The following FAM227B variants were observed in gnomAD, a reference collection of about 807,000 sequenced individuals.
FAM227B encodes the protein protein FAM227B.
Under a neutral mutation model 73.8 loss-of-function variants are expected in FAM227B, and 88 were observed. That is an observed-to-expected ratio of 1.19 (90% CI 1.00 to 1.42). The LOEUF (loss-of-function observed/expected upper bound fraction) is 1.42. Among genes scored for constraint, FAM227B ranks in the 40% most tolerant of loss-of-function variants. The pLI, the probability that FAM227B is intolerant of heterozygous loss-of-function variation, is 0.00. For missense variants in FAM227B, 632 were observed against 590.9 expected (o/e 1.07, Z -0.72); for synonymous variants, 210 against 190.5 (o/e 1.10, Z -0.84).
At position 49,609,699 on chromosome 15, in the gene FAM227B, T is replaced by C. The variant is rs546181074; in HGVS notation, c.105+1516A>G. ...TTGTCTATTGGACAAAGACTTTGTATAGCAAACAAAAAATTAAGCATCTAG... is the reference window on the plus strand; with the variant it reads ...TTGTCTATTGGACAAAGACTTTGTACAGCAAACAAAAAATTAAGCATCTAG... On this transcript the variant is annotated intron_variant, in intron 3 of 15. Coordinates refer to ENST00000299338, the MANE Select transcript of FAM227B (RefSeq NM_152647.3). Among the ~76,000 whole-genome samples the C allele has an allele frequency of 7.2e-5, 11 of 152,080 alleles. No individual in the cohort carries two copies. The South Asian group carries it at 1.7e-3, about 23-fold the overall frequency.
intron 11 of FAM227B, chr15:49,424,698 GT>G: frequency 1.2e-6 from 1 of 814,146 alleles, no homozygotes; most frequent in Non-Finnish European, 1.9e-6. Context: ...TAAATAAAAT[GT>G]CACCTAATTT....
chr15:49,529,034 T>G (rs1597919560), intron 10 of FAM227B, among the ~76,000 whole-genome samples: 1 of 151,804 alleles, frequency 6.6e-6, no homozygotes, highest in Non-Finnish European at 1.5e-5. Context: ...CATATGTTTA[T>G]CACAACACTA....
Position 49,335,452 on chromosome 15 carries a change from CTT to C in FAM227B, c.1314_1315del (p.Arg439ThrfsTer10). On this transcript the variant is annotated frameshift_variant, in exon 14 of 16. Transcript: ENST00000299338. LOFTEE classifies it high-confidence loss of function. ...ATCCTTTTGGTTCCTTGCAAATTGT[CTT>C]TTTGCCTCCTTTATAACATCACGGT... 1 of 1,613,522 alleles carries C rather than the reference CTT, an allele frequency of 6.2e-7. No homozygotes were observed. The highest frequency in any genetic ancestry group is 8.5e-7 in the Non-Finnish European group (1 of 1,179,516).
chr15:49,505,474 C>A (rs575699532), intron 11 of FAM227B, among the ~76,000 whole-genome samples: 1 of 151,838 alleles, frequency 6.6e-6, no homozygotes. Context: ...TAATGTGAGG[C>A]TATTATTTAT....
intron 11 of FAM227B, among the ~76,000 whole-genome samples, chr15:49,463,323 G>A (rs959457916): frequency 1.3e-5 from 2 of 152,166 alleles, no homozygotes. Flanking sequence ...GGAGGCTGAG[G>A]TGGGTGGATC....
At chr15:49,513,838 C>T in intron 10 of FAM227B, among the ~76,000 whole-genome samples, 1 of 151,292 alleles carries the variant, frequency 6.6e-6, no homozygotes, top group East Asian at 1.9e-4. Context: ...TCCCCAGCAC[C>T]TTATTAAATA....
At chr15:49,369,839 C>T (rs2045688095) in intron 12 of FAM227B, among the ~76,000 whole-genome samples, 1 of 152,160 alleles carries the variant, frequency 6.6e-6, no homozygotes, top group African/African-American at 2.4e-5. Flanking sequence ...TATTTGAAAA[C>T]AGTTATTATG....
chr15:49,498,260 G>C (rs2057799671), intron 11 of FAM227B, among the ~76,000 whole-genome samples: 1 of 152,144 alleles, frequency 6.6e-6, no homozygotes, highest in Non-Finnish European at 1.5e-5. Context: ...GTCTAGCACT[G>C]ATCAGTTATG....
intron 11 of FAM227B, among the ~76,000 whole-genome samples, chr15:49,445,988 T>C (rs1040137273): frequency 1.3e-5 from 2 of 151,612 alleles, no homozygotes; most frequent in Non-Finnish European, 3.0e-5. Context: ...TATAAATTCA[T>C]GAATTTTTTC....
chr15:49,330,946 G>C (rs941502777), intron 15 of FAM227B: 2 of 152,242 alleles, frequency 1.3e-5, no homozygotes, highest in African/African-American at 4.8e-5. Context: ...AGGTGACAGA[G>C]TGAGACCCTG....
chr15:49,447,763 C>T lies in FAM227B; in HGVS notation c.1012+60448G>A, dbSNP rs78135584. Among the ~76,000 whole-genome samples, 1,063 of 151,736 alleles carry T rather than the reference C, an allele frequency of 7.0e-3. 18 individuals are homozygous for T. Among genetic ancestry groups the T allele is most frequent in the African/African-American group, 0.024 (1,016 of 41,478 alleles). ...TGGAATGACTTTGTCCTCATTACTGCTTGCTCCAAACTAATTCAACTAACT... is the reference window on the plus strand; with the variant it reads ...TGGAATGACTTTGTCCTCATTACTGTTTGCTCCAAACTAATTCAACTAACT... On this transcript the variant is annotated intron_variant, in intron 11 of 15. Coordinates refer to ENST00000299338, the MANE Select transcript of FAM227B (RefSeq NM_152647.3).
rs1173915288 is a variant in FAM227B at position 49,568,398 on chromosome 15, T to C, written c.646-52A>G. On this transcript the variant is annotated intron_variant, in intron 8 of 15. Transcript: ENST00000299338. ...CAATATTACAATTTAAAACTGGAAT[T>C]TGTTTACATGATGACAGCAATTTCA... is the stretch of plus-strand genomic sequence containing the variant. 2.9e-6 allele frequency: 4 copies of C among 1,401,800 alleles called. No individual in the cohort carries two copies. The African/African-American group carries it at 4.3e-5, about 15-fold the overall frequency. 86.8% of individuals were successfully genotyped at this position (1,401,800 alleles called of 1,614,324 possible).
intron 3 of FAM227B, among the ~76,000 whole-genome samples, chr15:49,595,936 A>T (rs538117403): frequency 1.0e-4 from 15 of 148,746 alleles, no homozygotes; most frequent in South Asian, 2.2e-4. Context: ...TAATTTTTTT[A>T]AAAATGAACA....
chr15:49,351,592 A>G (rs1458505691), intron 13 of FAM227B, among the ~76,000 whole-genome samples: 1 of 152,194 alleles, frequency 6.6e-6, no homozygotes, highest in Non-Finnish European at 1.5e-5. Context: ...CACCGTCCCA[A>G]GTTGGGTTTT....
chr15:49,479,174 C>T (rs529921542), intron 11 of FAM227B, among the ~76,000 whole-genome samples: 3 of 152,272 alleles, frequency 2.0e-5, no homozygotes, highest in Admixed American at 6.5e-5. Flanking sequence ...GACAATATTG[C>T]TGACAAGGCT....
chr15:49,433,881 G>A lies in FAM227B; in HGVS notation c.1013-62482C>T, dbSNP rs182647547. Among the ~76,000 whole-genome samples, 15 of 151,826 alleles carry A rather than the reference G, an allele frequency of 9.9e-5. No homozygotes were observed. In the East Asian group the frequency reaches 2.7e-3, roughly 28 times the overall value. ...GTTGATATTGGTTTAAGGAATATCTGCATTAGAGACAAAAAGAGAAAAAGT... is the reference window on the plus strand; with the variant it reads ...GTTGATATTGGTTTAAGGAATATCTACATTAGAGACAAAAAGAGAAAAAGT... On this transcript the variant is annotated intron_variant, in intron 11 of 15. Coordinates refer to ENST00000299338, the MANE Select transcript of FAM227B (RefSeq NM_152647.3).
intron 11 of FAM227B, among the ~76,000 whole-genome samples, chr15:49,478,489 G>T (rs2055576434): frequency 6.6e-6 from 1 of 152,016 alleles, no homozygotes; most frequent in Non-Finnish European, 1.5e-5. Context: ...TAATAGTTAA[G>T]ATTTCCCACT....
chr15:49,444,577 G>C (rs1478059181), intron 11 of FAM227B, among the ~76,000 whole-genome samples: 1 of 151,648 alleles, frequency 6.6e-6, no homozygotes, highest in Non-Finnish European at 1.5e-5. Context: ...AGAACATAAG[G>C]TTTATCTCAA....
intron 3 of FAM227B, among the ~76,000 whole-genome samples, chr15:49,608,728 T>C (rs985027602): frequency 1.3e-5 from 2 of 152,034 alleles, no homozygotes; most frequent in African/African-American, 4.8e-5. Flanking sequence ...AATCATATCA[T>C]GGAGTACTCT....
Sources: gnomAD v4.1 joint callset for allele counts (sites outside exome capture counted in the v4.1 genomes callset) on GRCh38, gnomAD v4.1.1 for gene constraint, MANE v1.5 for transcripts, NCBI Gene and HGNC (gene_info 2026-07-23, HGNC 2026-07-21) for gene names.